Variants in PRKAR1A observed in about 807,000 individuals in gnomAD.
PRKAR1A encodes the protein protein kinase cAMP-dependent type I regulatory subunit alpha.
A neutral mutation model predicts 52.0 loss-of-function variants in PRKAR1A; 3 were observed. The ratio of observed to expected loss-of-function variants is 0.06; its 90% CI spans 0.03 to 0.15. PRKAR1A has a LOEUF of 0.15. Among genes scored for constraint, PRKAR1A ranks in the 10% least tolerant of loss-of-function variants. PRKAR1A has a pLI of 1.00. For synonymous variants in PRKAR1A, 188 were observed against 168.4 expected, an observed-to-expected ratio of 1.12 and a Z score of -0.90; for missense variants, 240 against 477.4, an observed-to-expected ratio of 0.50 and a Z score of 4.63.
chr17:68,514,322 T>C (rs1238319354), intron 1 of PRKAR1A, among the ~76,000 whole-genome samples: 1 of 152,222 alleles, frequency 6.6e-6, no homozygotes, highest in Non-Finnish European at 1.5e-5. Context: ...TGCATTATAA[T>C]TGGAAAAGTC....
At chr17:68,449,120 AAGAC>A in the PRKAR1A span, among the ~76,000 whole-genome samples, 73 of 152,374 alleles carry the variant, frequency 4.8e-4, no homozygotes, top group Middle Eastern at 3.4e-3. Context: ...AGTTTAGACA[AAGAC>A]AGAAGAAAAC....
upstream of PRKAR1A, chr17:68,512,302 A>T (rs763066905): frequency 6.5e-6 from 1 of 153,236 alleles, no homozygotes; most frequent in Non-Finnish European, 1.5e-5. Flanking sequence ...TCCTTCCAAG[A>T]GCGACCAGGG....
chr17:68,446,369 G>C, the PRKAR1A span, among the ~76,000 whole-genome samples: 1 of 151,874 alleles, frequency 6.6e-6, no homozygotes, highest in Non-Finnish European at 1.5e-5. Context: ...TTTTTGTAGA[G>C]ACCCGGGTTT....
the PRKAR1A span, among the ~76,000 whole-genome samples, chr17:68,494,718 G>A: frequency 2.9e-4 from 44 of 151,908 alleles, no homozygotes; most frequent in South Asian, 8.5e-3. Context: ...CCCGGCAAAC[G>A]GTCTCAGCTG....
At chr17:68,459,645 C>T in the PRKAR1A span, among the ~76,000 whole-genome samples, 134 of 152,154 alleles carry the variant, frequency 8.8e-4, no homozygotes, top group Non-Finnish European at 1.6e-3. Context: ...GAGTTGTTTT[C>T]AGGCATTGCT....
rs951798928 is a variant in PRKAR1A at position 68,515,034 on chromosome 17, A to C, written c.-6-360A>C. 8.8e-5 allele frequency: 28 copies of C among 317,674 alleles called. No homozygotes were observed. In the Admixed American group the frequency reaches 9.8e-4, roughly 11 times the overall value. The allele number at this position is 317,674 out of a possible 1,614,324, so 19.7% of individuals were successfully genotyped here. On this transcript the variant is annotated intron_variant, in intron 1 of 10. Coordinates refer to ENST00000589228, the MANE Select transcript of PRKAR1A (RefSeq NM_002734.5). ...TCTGTATCCTGTTTACCGTTTACCT[A>C]CTTCCCACGTCATCATGATTTCTTT... is the stretch of plus-strand genomic sequence containing the variant.
intron 6 of PRKAR1A, 83 bp from the exon 7 acceptor site, chr17:68,525,671 C>A: frequency 7.0e-7 from 1 of 1,437,958 alleles, no homozygotes; most frequent in Non-Finnish European, 9.8e-7. Context: ...AGGATTGTGA[C>A]CTTTTAAAAA....
In PRKAR1A at chr17:68,532,802, G is replaced by A. The variant is rs2086013371; in HGVS notation, c.*2353G>A. 1.2e-5 allele frequency: 13 copies of A among 1,066,218 alleles called. No individual in the cohort carries two copies. Among genetic ancestry groups the A allele is most frequent in the African/African-American group, 1.6e-5 (1 of 61,140 alleles). 66.0% of individuals were successfully genotyped at this position (1,066,218 alleles called of 1,614,324 possible). On this transcript the variant is annotated 3_prime_UTR_variant, in exon 11 of 11. Coordinates refer to ENST00000589228, the MANE Select transcript of PRKAR1A (RefSeq NM_002734.5). The stretch of plus-strand genomic sequence containing the variant: ...AGTTTTTCTTCCCTTTCTCCTTTCC[G>A]TCTTTCCTCTCTCTGTCCTTCCCCG...
the PRKAR1A span, chr17:68,436,368 C>A: frequency 6.2e-7 from 1 of 1,612,776 alleles, no homozygotes; most frequent in Non-Finnish European, 8.5e-7. Flanking sequence ...TCAGCCAGGT[C>A]ACCGTCAACT....
the PRKAR1A span, among the ~76,000 whole-genome samples, chr17:68,487,841 G>A: frequency 1.3e-5 from 2 of 151,440 alleles, no homozygotes; most frequent in Non-Finnish European, 1.5e-5. Flanking sequence ...AAAGAAAAGT[G>A]GTTTTGTGGT....
chr17:68,495,131 G>A, the PRKAR1A span, among the ~76,000 whole-genome samples: 2 of 152,044 alleles, frequency 1.3e-5, no homozygotes, highest in African/African-American at 2.4e-5. Flanking sequence ...AGCCCAAGAG[G>A]TCCTCCCGCT....
chr17:68,525,292 TAAAA>T (rs397857487), intron 6 of PRKAR1A, among the ~76,000 whole-genome samples: 1 of 122,008 alleles, frequency 8.2e-6, no homozygotes. Flanking sequence ...CCTCATCTCT[TAAAA>T]AAAAAAAAAA....
chr17:68,510,971 T>C (rs1426578332), upstream of PRKAR1A, among the ~76,000 whole-genome samples: 1 of 152,208 alleles, frequency 6.6e-6, no homozygotes, highest in African/African-American at 2.4e-5. Flanking sequence ...CTTTAAACTT[T>C]TTAATAGCTA....
chr17:68,522,632 C>T, intron 2 of PRKAR1A, 124 bp from the exon 3 acceptor site: 1 of 1,115,900 alleles, frequency 9.0e-7, no homozygotes, highest in Non-Finnish European at 1.3e-6. Flanking sequence ...GTGTTTTCCT[C>T]TTAACTTACA....
At chr17:68,542,448 G>C (rs796396102) in intron 11 of PRKAR1A, among the ~76,000 whole-genome samples, 1 of 152,132 alleles carries the variant, frequency 6.6e-6, no homozygotes, top group Non-Finnish European at 1.5e-5. Flanking sequence ...TGGTTCCGGG[G>C]AGGCCAGCAT....
intron 11 of PRKAR1A, chr17:68,541,192 A>T (rs2086274536): frequency 3.7e-6 from 2 of 537,894 alleles, no homozygotes; most frequent in South Asian, 4.0e-5. Flanking sequence ...CATGGTTGGG[A>T]TACTGTGTGC....
the PRKAR1A span, among the ~76,000 whole-genome samples, chr17:68,437,355 G>T: frequency 7.9e-5 from 12 of 152,116 alleles, no homozygotes; most frequent in Non-Finnish European, 1.8e-4. Context: ...AGGAGTTCGA[G>T]ATCGGGCTGG....
chr17:68,429,464 ACAGTGT>A, the PRKAR1A span, among the ~76,000 whole-genome samples: 1 of 152,236 alleles, frequency 6.6e-6, no homozygotes, highest in Admixed American at 6.5e-5. Context: ...TGTTTTTAAG[ACAGTGT>A]CATTATAACC....
At chr17:68,438,040 T>C in the PRKAR1A span, among the ~76,000 whole-genome samples, 1 of 150,246 alleles carries the variant, frequency 6.7e-6, no homozygotes, top group South Asian at 2.1e-4. Flanking sequence ...GAAAAAACTT[T>C]AGGTCAGGCT....
Sources: gnomAD v4.1 joint callset for allele counts (sites outside exome capture counted in the v4.1 genomes callset) on GRCh38, gnomAD v4.1.1 for gene constraint, MANE v1.5 for transcripts, NCBI Gene and HGNC (gene_info 2026-07-23, HGNC 2026-07-21) for gene names.